The following DHRSX variants were observed in gnomAD, a reference collection of about 807,000 sequenced individuals.
DHRSX encodes polyprenol dehydrogenase.
Under a neutral mutation model 34.0 loss-of-function variants are expected in DHRSX, and 31 were observed. The observed-to-expected ratio is 0.91, with a 90% confidence interval of 0.69 to 1.23. The LOEUF is 1.23. DHRSX is among the 50% of genes most tolerant of loss of function. The pLI is 0.00. For synonymous variants in DHRSX, 201 were observed against 183.8 expected (o/e 1.09, Z -0.76); for missense variants, 414 against 428.1 (o/e 0.97, Z 0.29).
chrX:2,458,035 C>T (rs2044335270), intron 1 of DHRSX, among the ~76,000 whole-genome samples: 1 of 152,002 alleles, frequency 6.6e-6, no homozygotes, highest in African/African-American at 2.4e-5. Flanking sequence ...GGGACTGCCG[C>T]CATGTACACA....
intron 6 of DHRSX, among the ~76,000 whole-genome samples, chrX:2,242,145 C>T (rs2016154947): frequency 6.6e-6 from 1 of 152,070 alleles, no homozygotes; most frequent in Non-Finnish European, 1.5e-5. Flanking sequence ...AATACATTTG[C>T]CTGTCATTTC....
chrX:2,312,509 G>C lies in DHRSX; in HGVS notation c.287-20906C>G, dbSNP rs192514705. 1.4e-4 allele frequency among the ~76,000 whole-genome samples: 21 copies of C among 151,988 alleles called. 1 individual carries two copies. The highest frequency in any genetic ancestry group is 1.3e-3 in the Admixed American group (20 of 15,242). ...AAACACTGCATGTTTTCACTCATAA[G>C]GGGGAGTTGAACAATGAGAACACAT... On this transcript the variant is annotated intron_variant, in intron 3 of 6. Coordinates refer to ENST00000334651, the MANE Select transcript of DHRSX (RefSeq NM_145177.3).
intron 3 of DHRSX, among the ~76,000 whole-genome samples, chrX:2,343,985 G>A (rs1461351388): frequency 1.3e-5 from 2 of 152,156 alleles, no homozygotes; most frequent in African/African-American, 4.8e-5. Context: ...TAAATGGGAA[G>A]TCCTAAGGAG....
chrX:2,408,889 AGGTTTT>A, intron 2 of DHRSX, 76 bp from the exon 3 acceptor site: 1 of 1,103,046 alleles, frequency 9.1e-7, no homozygotes, highest in Non-Finnish European at 1.3e-6. Context: ...AAAAAAAAAG[AGGTTTT>A]AAGAGAAGTA....
rs1256699213 is a variant in DHRSX, at chrX:2,264,137, G to A, written c.596+2603C>T. The stretch of plus-strand genomic sequence containing the variant: ...TGCCCAAGGACAGCAAATGGCTGGG[G>A]ATGTACATATCCCACAACACAGCGC... On this transcript the variant is annotated intron_variant, in intron 5 of 6. Coordinates refer to ENST00000334651, the MANE Select transcript of DHRSX (RefSeq NM_145177.3). 2.0e-5 allele frequency among the ~76,000 whole-genome samples: 3 copies of A among 152,248 alleles called. No individual in the cohort carries two copies. In the East Asian group the frequency reaches 5.8e-4, roughly 29 times the overall value.
intron 3 of DHRSX, among the ~76,000 whole-genome samples, chrX:2,340,439 CGTCTGTCTGTGTGTGTGTGTGT>C (rs1264894447): frequency 6.7e-6 from 1 of 149,570 alleles, no homozygotes. Flanking sequence ...TGTGTGTGTG[CGTCTGTCTGTGTGTGTGTGTGT>C]ATATATATAT....
At chrX:2,394,367 C>T (rs1308942868) in intron 3 of DHRSX, among the ~76,000 whole-genome samples, 5 of 152,156 alleles carry the variant, frequency 3.3e-5, no homozygotes, top group East Asian at 1.9e-4. Context: ...GCTGCAAGCA[C>T]GTCAGCCAGG....
chrX:2,465,096 G>A lies in DHRSX; in HGVS notation c.109+35721C>T, dbSNP rs186829038. ...GGACCTCACTGAAGACGTTCCCTAA[G>A]CATGCGGCCCAGGGACAGCCACCGT... On this transcript the variant is annotated intron_variant, in intron 1 of 6. Coordinates refer to ENST00000334651, the MANE Select transcript of DHRSX (RefSeq NM_145177.3). Among the ~76,000 whole-genome samples, 140 of 151,790 alleles carry A rather than the reference G, an allele frequency of 9.2e-4. 1 individual carries two copies. Among genetic ancestry groups the A allele is most frequent in the African/African-American group, 3.3e-3 (138 of 41,346 alleles).
intron 1 of DHRSX, among the ~76,000 whole-genome samples, chrX:2,483,894 T>C (rs2044815267): frequency 6.6e-6 from 1 of 152,008 alleles, no homozygotes; most frequent in South Asian, 2.1e-4. Flanking sequence ...TTTTTCTGAA[T>C]TTCTTAATGG....
intron 3 of DHRSX, among the ~76,000 whole-genome samples, chrX:2,404,369 C>T (rs994570537): frequency 6.6e-6 from 1 of 151,960 alleles, no homozygotes; most frequent in Non-Finnish European, 1.5e-5. Context: ...GAGGAAGGGC[C>T]AAGGTGGCAG....
chrX:2,353,804 C>T (rs764330577), intron 3 of DHRSX, among the ~76,000 whole-genome samples: 1 of 151,976 alleles, frequency 6.6e-6, no homozygotes, highest in South Asian at 2.1e-4. Flanking sequence ...AGGCTGGTCT[C>T]GAACTCCTGA....
intron 3 of DHRSX, among the ~76,000 whole-genome samples, chrX:2,376,398 A>G (rs1222784295): frequency 7.3e-6 from 1 of 137,548 alleles, no homozygotes; most frequent in East Asian, 2.0e-4. Context: ...AGAGGATGAC[A>G]TCGTCATTCA....
intron 2 of DHRSX, among the ~76,000 whole-genome samples, chrX:2,412,096 T>A (rs1401153953): frequency 6.6e-6 from 1 of 152,208 alleles, no homozygotes; most frequent in East Asian, 1.9e-4. Flanking sequence ...ATGCATTTGC[T>A]GGAGTGGTTC....
intron 1 of DHRSX, chrX:2,489,182 T>G: frequency 6.2e-7 from 1 of 1,613,582 alleles, no homozygotes; most frequent in East Asian, 2.2e-5. Flanking sequence ...AGCCGGCCGG[T>G]AGCCGCCGTC....
rs753412774 is a variant in DHRSX, at chrX:2,335,346, T to TA, written c.287-43744dup. Among the ~76,000 whole-genome samples, 4 of 152,044 alleles carry TA rather than the reference T, an allele frequency of 2.6e-5. No individual in the cohort carries two copies. In the East Asian group the frequency reaches 7.7e-4, roughly 29 times the overall value. On this transcript the variant is annotated intron_variant, in intron 3 of 6. Coordinates refer to ENST00000334651, the MANE Select transcript of DHRSX (RefSeq NM_145177.3). ...ACATCAATCAATATATGTTGAGAGG[T>TA]ACACTGGTTCCATCCAGAAACACGG...
At chrX:2,343,168 C>T (rs901672311) in intron 3 of DHRSX, among the ~76,000 whole-genome samples, 13 of 152,192 alleles carry the variant, frequency 8.5e-5, no homozygotes, top group Non-Finnish European at 1.8e-4. Context: ...CTCTCCCTCA[C>T]ATACAAACAT....
chrX:2,238,609 G>A (rs1010395160), intron 6 of DHRSX, among the ~76,000 whole-genome samples: 10 of 149,920 alleles, frequency 6.7e-5, no homozygotes, highest in African/African-American at 2.0e-4. Context: ...TTGAGACGGA[G>A]TTTCACTCTT....
chrX:2,389,791 T>A (rs2043313755), intron 3 of DHRSX, among the ~76,000 whole-genome samples: 1 of 152,162 alleles, frequency 6.6e-6, no homozygotes, highest in South Asian at 2.1e-4. Context: ...ATTTTTTTTT[T>A]ATTGTTTTAG....
rs940570446 is a variant in DHRSX, at chrX:2,232,475, G to A, written c.804+10548C>T. Among the ~76,000 whole-genome samples the A allele has an allele frequency of 7.9e-5, 12 of 151,766 alleles. No homozygotes were observed. In the South Asian group the frequency reaches 8.3e-4, roughly 11 times the overall value. The stretch of plus-strand genomic sequence containing the variant: ...CAGTCCTGGGGTCTGGGGTCCTCAC[G>A]CTTAGCACTCAAGAGAATGGGCCAG... On this transcript the variant is annotated intron_variant, in intron 6 of 6. Transcript: ENST00000334651.
Sources: gnomAD v4.1 joint callset for allele counts (sites outside exome capture counted in the v4.1 genomes callset) on GRCh38, gnomAD v4.1.1 for gene constraint, MANE v1.5 for transcripts, NCBI Gene and HGNC (gene_info 2026-07-23, HGNC 2026-07-21) for gene names.